Variants in CAMKMT observed in about 807,000 individuals in gnomAD.
The protein encoded by CAMKMT is CaM KMT.
Under a neutral mutation model 48.0 loss-of-function variants are expected in CAMKMT, and 53 were observed. The observed-to-expected ratio is 1.10, with a 90% confidence interval of 0.89 to 1.39. CAMKMT has a LOEUF of 1.39. CAMKMT is among the 40% of genes most tolerant of loss of function. The probability of loss-of-function intolerance (pLI) is 0.00; values close to 1 mark genes in which losing one functional copy is unlikely to be tolerated. For synonymous variants in CAMKMT, 165 were observed against 152.3 expected, an observed-to-expected ratio of 1.08 and a Z score of -0.61; for missense variants, 428 against 402.7, an observed-to-expected ratio of 1.06 and a Z score of -0.54.
At chr2:44,596,122 A>G (rs1260541651) in intron 3 of CAMKMT, among the ~76,000 whole-genome samples, 25 of 152,008 alleles carry the variant, frequency 1.6e-4, no homozygotes, top group Non-Finnish European at 1.0e-4. Flanking sequence ...GTACCCCAGA[A>G]CTTATAATTT....
At chr2:44,371,306 A>G (rs1473855593) in intron 1 of CAMKMT, among the ~76,000 whole-genome samples, 3 of 151,840 alleles carry the variant, frequency 2.0e-5, no homozygotes, top group Admixed American at 2.0e-4. Context: ...TTTTGTAGAT[A>G]TGGGGTCTTG....
intron 3 of CAMKMT, among the ~76,000 whole-genome samples, chr2:44,682,734 AAATATTCTTAGAAGAG>A (rs1435145857): frequency 1.3e-5 from 2 of 152,214 alleles, no homozygotes; most frequent in East Asian, 1.9e-4. Context: ...GAAACGTTGA[AAATATTCTTAGAAGAG>A]AATACGCAGA....
At chr2:44,456,432 C>T in intron 3 of CAMKMT, 1 of 1,150,934 alleles carries the variant, frequency 8.7e-7, no homozygotes, top group Non-Finnish European at 1.2e-6. Context: ...TTTTAGCCCT[C>T]TTACCCTCTA....
chr2:44,361,982 C>G lies in CAMKMT; in HGVS notation c.-26C>G. The G allele has an allele frequency of 1.5e-6, 2 of 1,368,902 alleles. No homozygotes were observed. The highest frequency in any genetic ancestry group is 3.4e-5 in the South Asian group (2 of 58,280). 84.8% of individuals were successfully genotyped at this position (1,368,902 alleles called of 1,614,324 possible). On this transcript the variant is annotated 5_prime_UTR_variant, in exon 1 of 11. Coordinates refer to ENST00000378494, the MANE Select transcript of CAMKMT (RefSeq NM_024766.5). ...AGGGGACGAGCTGCGGCGGTGGCAC[C>G]TCCGGGTGTGGAAGGCTCCAGTGAG...
At chr2:44,530,173 G>A (rs537305414) in intron 3 of CAMKMT, among the ~76,000 whole-genome samples, 1 of 152,122 alleles carries the variant, frequency 6.6e-6, no homozygotes, top group African/African-American at 2.4e-5. Flanking sequence ...AAATGATAGG[G>A]TAGTGAATGT....
At chr2:44,458,669 T>A (rs1352451134) in intron 3 of CAMKMT, among the ~76,000 whole-genome samples, 1 of 152,204 alleles carries the variant, frequency 6.6e-6, no homozygotes. Flanking sequence ...CTATTTTTAA[T>A]CCAACAACCA....
At chr2:44,734,436 A>G (rs750839789) in intron 7 of CAMKMT, among the ~76,000 whole-genome samples, 28 of 151,280 alleles carry the variant, frequency 1.9e-4, no homozygotes, top group Non-Finnish European at 2.8e-4. Flanking sequence ...TATTTTTGAG[A>G]CAGGTTCTCG....
intron 3 of CAMKMT, among the ~76,000 whole-genome samples, chr2:44,479,625 A>G (rs1396357365): frequency 1.3e-5 from 2 of 152,178 alleles, no homozygotes; most frequent in African/African-American, 2.4e-5. Flanking sequence ...TTCAGATCCT[A>G]TAGGTGGCAG....
chr2:44,518,910 T>C (rs1670964277), intron 3 of CAMKMT, among the ~76,000 whole-genome samples: 1 of 152,210 alleles, frequency 6.6e-6, no homozygotes, highest in Non-Finnish European at 1.5e-5. Flanking sequence ...GAAGATAGGC[T>C]CCAGCTTTTG....
chr2:44,373,031 G>A, intron 2 of CAMKMT, 143 bp downstream of exon 2: 1 of 751,596 alleles, frequency 1.3e-6, no homozygotes, highest in Non-Finnish European at 2.1e-6. Flanking sequence ...CTTGTTTTAG[G>A]AAATCCTGCT....
intron 3 of CAMKMT, among the ~76,000 whole-genome samples, chr2:44,635,631 A>C (rs1354050533): frequency 1.3e-5 from 2 of 152,180 alleles, no homozygotes; most frequent in African/African-American, 4.8e-5. Context: ...CAGAATTCTG[A>C]TTCATAAAGA....
At chr2:44,538,992 G>A (rs990378744) in intron 3 of CAMKMT, among the ~76,000 whole-genome samples, 2 of 141,224 alleles carry the variant, frequency 1.4e-5, no homozygotes, top group Admixed American at 1.5e-4. Context: ...GTGTGTGTGT[G>A]TGTGTGTGTG....
rs1670131447 is a variant in CAMKMT at position 44,589,670 on chromosome 2, C to T, written c.377-114613C>T. Among the ~76,000 whole-genome samples, 2 of 80,980 alleles carry T rather than the reference C, an allele frequency of 2.5e-5. 1 individual carries two copies. The highest frequency in any genetic ancestry group is 9.4e-5 in the African/African-American group (2 of 21,250). 53.1% of individuals were successfully genotyped at this position (80,980 alleles called of 152,430 possible). A position where few individuals can be genotyped will look rare whatever the true frequency, so the allele number is the denominator to read the frequency against. On this transcript the variant is annotated intron_variant, in intron 3 of 10. Coordinates refer to ENST00000378494, the MANE Select transcript of CAMKMT (RefSeq NM_024766.5). ...GCGGTGCAAGATGTGCTTTGTTAAA[C>T]AGATGCTTGAAGTCAGCATGCTCGT...
chr2:44,389,772 A>G (rs1212197864), intron 2 of CAMKMT, among the ~76,000 whole-genome samples: 2 of 152,342 alleles, frequency 1.3e-5, no homozygotes, highest in East Asian at 1.9e-4. Flanking sequence ...CCTGACATTC[A>G]TAACTGTCTG....
chr2:44,532,493 A>T lies in CAMKMT; in HGVS notation c.376+142188A>T, dbSNP rs1390892232. Among the ~76,000 whole-genome samples the T allele has an allele frequency of 5.3e-5, 8 of 152,238 alleles. No individual in the cohort carries two copies. The East Asian group carries it at 1.3e-3, about 26-fold the overall frequency. ...GTGTCACAGACATTGAGTTCCTACT[A>T]TAGTCAGCTTCTGTATTTGGTGTAT... On this transcript the variant is annotated intron_variant, in intron 3 of 10. Coordinates refer to ENST00000378494, the MANE Select transcript of CAMKMT (RefSeq NM_024766.5).
chr2:44,546,926 C>T (rs1231645073), intron 3 of CAMKMT, among the ~76,000 whole-genome samples: 2 of 152,264 alleles, frequency 1.3e-5, no homozygotes, highest in East Asian at 1.9e-4. Flanking sequence ...TTTCATTTCT[C>T]TCTCAGTAAA....
chr2:44,679,466 A>T (rs956180305), intron 3 of CAMKMT, among the ~76,000 whole-genome samples: 2 of 152,162 alleles, frequency 1.3e-5, no homozygotes, highest in Non-Finnish European at 2.9e-5. Context: ...AGTGACCAAG[A>T]ATTTGATTAC....
intron 8 of CAMKMT, among the ~76,000 whole-genome samples, chr2:44,753,113 T>C (rs1456749675): frequency 6.6e-6 from 1 of 151,728 alleles, no homozygotes; most frequent in African/African-American, 2.4e-5. Context: ...CAAAATGAAC[T>C]ATAAAAACAT....
chr2:44,544,629 C>T (rs1667298390), intron 3 of CAMKMT, among the ~76,000 whole-genome samples: 1 of 152,210 alleles, frequency 6.6e-6, no homozygotes, highest in Non-Finnish European at 1.5e-5. Flanking sequence ...CCAGTGCTAA[C>T]ATGTCACTAA....
Sources: allele counts gnomAD v4.1 joint callset (sites outside exome capture counted in the v4.1 genomes callset), GRCh38; gene constraint gnomAD v4.1.1; transcripts MANE v1.5; gene names NCBI Gene and HGNC (gene_info 2026-07-23, HGNC 2026-07-21).